FLNB: variants seen among roughly 807,000 people sequenced by gnomAD.
FLNB encodes filamin-B.
In FLNB, 111 loss-of-function variants were observed where a neutral mutation model predicts 250.6. That is an observed-to-expected ratio of 0.44 (90% CI 0.38 to 0.52). The LOEUF is 0.52. FLNB is among the 20% of genes least tolerant of loss of function. FLNB has a pLI of 0.00. For missense variants in FLNB, 2,869 were observed against 3,447.8 expected (o/e 0.83, Z 4.20); for synonymous variants, 1,302 against 1,372.1 (o/e 0.95, Z 1.13).
At chr3:58,096,272 AAGAT>A (rs1269445217) in intron 6 of FLNB, 54 bp downstream of exon 6, 7 of 1,225,836 alleles carry the variant, frequency 5.7e-6, no homozygotes, top group Non-Finnish European at 7.2e-6. Context: ...TAGGAGAAGA[AAGAT>A]AGCCCAGGAA....
chr3:58,163,264 C>T lies in FLNB; in HGVS notation c.7132C>T (p.Pro2378Ser). 1 of 1,614,228 alleles carries T rather than the reference C, an allele frequency of 6.2e-7. No homozygotes were observed. Among genetic ancestry groups the T allele is most frequent in the Non-Finnish European group, 8.5e-7 (1 of 1,180,040 alleles). The change falls in exon 43 of 46, where the codon CCT (proline) becomes TCT (serine). Residue 2378 changes from proline to serine, a missense_variant. By Grantham distance (74) the Pro-to-Ser change is moderately conservative. Coordinates refer to ENST00000295956, the MANE Select transcript of FLNB (RefSeq NM_001457.4). ...CCCCTTCAAAGTGCGCGTTGGGGAG[C>T]CTGGACAAGCGGGGAACCCTGCCCT... ...GSPFKVRVGE[P>S]GQAGNPALVS...
At chr3:58,111,089 C>A (rs2097267887) in intron 16 of FLNB, among the ~76,000 whole-genome samples, 1 of 152,174 alleles carries the variant, frequency 6.6e-6, no homozygotes, top group Non-Finnish European at 1.5e-5. Flanking sequence ...GGTTGAAATG[C>A]AGTTAGCTTC....
intron 1 of FLNB, among the ~76,000 whole-genome samples, chr3:58,048,228 C>T (rs1012140878): frequency 6.6e-6 from 1 of 152,184 alleles, no homozygotes; most frequent in African/African-American, 2.4e-5. Flanking sequence ...GCCTTTTACA[C>T]ATTTTTTTGT....
chr3:58,079,335 C>T (rs1026424482), intron 3 of FLNB, among the ~76,000 whole-genome samples: 3 of 151,838 alleles, frequency 2.0e-5, no homozygotes, highest in African/African-American at 7.3e-5. Context: ...TCACTGCAAC[C>T]TCTGCCTCCC....
chr3:58,008,522 T>C lies in FLNB; in HGVS notation c.-43T>C. 1 of 1,554,590 alleles carries C rather than the reference T, an allele frequency of 6.4e-7. No individual in the cohort carries two copies. Among genetic ancestry groups the C allele is most frequent in the African/African-American group, 1.4e-5 (1 of 73,258 alleles). On this transcript the variant is annotated 5_prime_UTR_variant, in exon 1 of 46. Transcript: ENST00000295956. ...CGGCCCTTGGGCCTCCAAACACCAG[T>C]CCCCGGCAGCTCGTTGCGCATTGCG... is the stretch of plus-strand genomic sequence containing the variant.
At position 58,111,822 on chromosome 3, in the gene FLNB, T is replaced by C. The variant is rs765267560; in HGVS notation, c.2516T>C (p.Val839Ala). 2.7e-5 allele frequency: 44 copies of C among 1,614,028 alleles called. No individual in the cohort carries two copies. Among genetic ancestry groups the C allele is most frequent in the East Asian group, 6.7e-5 (3 of 44,892 alleles). The change falls in exon 17 of 46, where the codon GTT (valine) becomes GCT (alanine). Residue 839 changes from valine (V) to alanine (A), a missense_variant. By Grantham distance (64) the Val-to-Ala change is moderately conservative. Around this residue, in one of 5 missense-constraint regions of FLNB, gnomAD observed 1,348 missense variants for 1,466.7 expected, o/e 0.92. Coordinates refer to ENST00000295956, the MANE Select transcript of FLNB (RefSeq NM_001457.4). ...CCCGCCAGCCCTTTCAGAGTCAAAG[T>C]TGACCCTTCCCACGATGCCAGCAAA... is the stretch of plus-strand genomic sequence containing the variant. ...EIPASPFRVKVDPSHDASKVK... is the reference protein window; with the variant it reads ...EIPASPFRVKADPSHDASKVK...
intron 29 of FLNB, among the ~76,000 whole-genome samples, chr3:58,141,110 T>A (rs2097326252): frequency 6.6e-6 from 1 of 151,630 alleles, no homozygotes; most frequent in Non-Finnish European, 1.5e-5. Context: ...ATAATTAGCC[T>A]GGTGTGGTGG....
chr3:58,128,032 G>A (rs1460738442), intron 24 of FLNB, among the ~76,000 whole-genome samples: 1 of 152,160 alleles, frequency 6.6e-6, no homozygotes, highest in Non-Finnish European at 1.5e-5. Context: ...TGTCTTAGGT[G>A]TGGTGTGAAG....
At chr3:58,121,571 G>A (rs1388041839) in intron 20 of FLNB, 68 bp downstream of exon 20, 16 of 1,587,934 alleles carry the variant, frequency 1.0e-5, no homozygotes, top group Non-Finnish European at 1.3e-5. Flanking sequence ...GTCCTTCTCT[G>A]GTTCTTCCTG....
intron 1 of FLNB, among the ~76,000 whole-genome samples, chr3:58,076,553 C>G (rs2097201905): frequency 6.6e-6 from 1 of 152,102 alleles, no homozygotes. Context: ...TTCCCGGGCT[C>G]AAGCGATCCT....
At chr3:58,124,235 A>C in intron 21 of FLNB, 97 bp from the exon 22 acceptor site, 1 of 1,229,364 alleles carries the variant, frequency 8.1e-7, no homozygotes, top group South Asian at 1.2e-5. Flanking sequence ...CTGAAATTGG[A>C]CTTCATGTGT....
At chr3:58,168,257 C>A (rs1452250342) in intron 43 of FLNB, among the ~76,000 whole-genome samples, 183 bp from the exon 44 acceptor site, 4 of 152,176 alleles carry the variant, frequency 2.6e-5, no homozygotes, top group African/African-American at 9.7e-5. Flanking sequence ...GAAAAGGGAG[C>A]CCCCACCCCG....
intron 43 of FLNB, chr3:58,165,845 C>G (rs1177302198): frequency 6.6e-6 from 1 of 151,960 alleles, no homozygotes; most frequent in African/African-American, 2.4e-5. Flanking sequence ...GTTTAACATG[C>G]ATTAAACTCA....
Position 58,164,103 on chromosome 3 carries a change from A to C in FLNB, c.7198+773A>C, listed in dbSNP as rs2097366460. On this transcript the variant is annotated intron_variant, in intron 43 of 45. Transcript: ENST00000295956. This position sits in a 1 kb window ranked among gnomAD's most constrained non-coding sequence, Gnocchi z 4.0. ...TGGTTCATTAGACAAGCAGACACAG[A>C]GTTTTGCTTTTGTCTTACAGAAAGA... 1 of 152,360 alleles carries C rather than the reference A, an allele frequency of 6.6e-6. No individual in the cohort carries two copies. 9.4% of individuals were successfully genotyped at this position (152,360 alleles called of 1,614,324 possible).
chr3:58,070,039 C>A (rs2097191712), intron 1 of FLNB, among the ~76,000 whole-genome samples: 1 of 137,512 alleles, frequency 7.3e-6, no homozygotes, highest in Admixed American at 7.3e-5. Context: ...TTGTGCTTGA[C>A]TCTTTCTTTC....
At chr3:58,037,855 C>T (rs764193827) in intron 1 of FLNB, among the ~76,000 whole-genome samples, 15 of 152,046 alleles carry the variant, frequency 9.9e-5, no homozygotes, top group Non-Finnish European at 1.5e-4. Flanking sequence ...ATGAAAACCA[C>T]GATCACTTGC....
At chr3:58,167,943 T>C (rs2097373669) in intron 43 of FLNB, among the ~76,000 whole-genome samples, 1 of 152,212 alleles carries the variant, frequency 6.6e-6, no homozygotes, top group Non-Finnish European at 1.5e-5. Flanking sequence ...TCACAGTGGC[T>C]GCACCCGGTC....
chr3:58,047,286 T>C (rs147678242), intron 1 of FLNB, among the ~76,000 whole-genome samples: 1 of 152,316 alleles, frequency 6.6e-6, no homozygotes, highest in African/African-American at 2.4e-5. Flanking sequence ...ATATTTATTT[T>C]CTAGATGTTT....
intron 8 of FLNB, among the ~76,000 whole-genome samples, 158 bp from the exon 9 acceptor site, chr3:58,102,045 G>A (rs1422958945): frequency 6.6e-6 from 1 of 152,192 alleles, no homozygotes; most frequent in Non-Finnish European, 1.5e-5. Flanking sequence ...TTGCTAGCCT[G>A]GTGTGCTCCC....
Sources: allele counts gnomAD v4.1 joint callset (sites outside exome capture counted in the v4.1 genomes callset), GRCh38; gene constraint gnomAD v4.1.1; regional missense constraint gnomAD v4.1.1; non-coding constraint Gnocchi (gnomAD v3.1); transcripts MANE v1.5; gene names NCBI Gene and HGNC (gene_info 2026-07-23, HGNC 2026-07-21).